BACH2: variants seen among roughly 807,000 people sequenced by gnomAD.
The protein encoded by BACH2 is transcription regulator protein BACH2.
Under a neutral mutation model 61.8 loss-of-function variants are expected in BACH2, and 5 were observed. The observed-to-expected ratio is 0.08, with a 90% CI of 0.04 to 0.17. BACH2 has a LOEUF of 0.17. BACH2 is among the 10% of genes least tolerant of loss of function. BACH2 has a pLI of 1.00. For missense variants in BACH2, 824 were observed against 1,091.1 expected, an observed-to-expected ratio of 0.76 and a Z score of 3.45; for synonymous variants, 446 against 440.1, an observed-to-expected ratio of 1.01 and a Z score of -0.17.
intron 4 of BACH2, among the ~76,000 whole-genome samples, chr6:90,177,333 C>T (rs529241409): frequency 1.3e-5 from 2 of 152,294 alleles, no homozygotes; most frequent in South Asian, 4.2e-4. Context: ...AGCACAGCAC[C>T]TGACCCATAA....
chr6:90,218,202 C>G (rs1015168693), intron 3 of BACH2: 1 of 152,146 alleles, frequency 6.6e-6, no homozygotes, highest in Admixed American at 6.5e-5. Context: ...GGTAGTTTAC[C>G]GCTACTGGAA....
chr6:89,978,866 T>G (rs1775798804), intron 6 of BACH2, among the ~76,000 whole-genome samples: 1 of 152,174 alleles, frequency 6.6e-6, no homozygotes, highest in Non-Finnish European at 1.5e-5. Context: ...ATAAGCTGTA[T>G]GTACTTAAAT....
At chr6:90,063,573 A>AT (rs1780796940) in intron 5 of BACH2, among the ~76,000 whole-genome samples, 1 of 152,200 alleles carries the variant, frequency 6.6e-6, no homozygotes, top group African/African-American at 2.4e-5. Flanking sequence ...CCCACAGGTG[A>AT]TTTTAGGAAG....
In BACH2 at chr6:90,178,760, T is replaced by G. The variant is rs891273907; in HGVS notation, c.-162+27809A>C. ...TTAAGGAGCTGTGCTGCATCAATAC[T>G]TGCTTTGGGCACAAAATGCAGAGGA... On this transcript the variant is annotated intron_variant, in intron 4 of 8. Transcript: ENST00000257749. 4.6e-5 allele frequency among the ~76,000 whole-genome samples: 7 copies of G among 152,216 alleles called. 1 individual carries two copies.
intron 4 of BACH2, among the ~76,000 whole-genome samples, chr6:90,123,605 C>A (rs1380600042): frequency 6.6e-6 from 1 of 151,332 alleles, no homozygotes; most frequent in African/African-American, 2.4e-5. Context: ...CCCGTCTCTA[C>A]TAAAAATACA....
At chr6:90,073,932 A>G (rs563527026) in intron 5 of BACH2, among the ~76,000 whole-genome samples, 8 of 152,328 alleles carry the variant, frequency 5.3e-5, no homozygotes, top group African/African-American at 1.9e-4. Context: ...AATATTACTC[A>G]AAGAAAAAAG....
intron 1 of BACH2, among the ~76,000 whole-genome samples, chr6:90,280,702 T>A (rs1771832839): frequency 6.6e-6 from 1 of 152,174 alleles, no homozygotes; most frequent in African/African-American, 2.4e-5. Flanking sequence ...CTCCAGGTGA[T>A]GCCGATGCTG....
intron 2 of BACH2, among the ~76,000 whole-genome samples, chr6:90,257,569 G>A (rs1399683872): frequency 6.6e-6 from 1 of 152,012 alleles, no homozygotes; most frequent in East Asian, 1.9e-4. Context: ...CAGGTAATTC[G>A]TTTGTTCTTT....
chr6:90,092,309 T>TAC (rs1376347632), intron 4 of BACH2, among the ~76,000 whole-genome samples: 4 of 123,800 alleles, frequency 3.2e-5, no homozygotes, highest in African/African-American at 1.6e-4. Context: ...TATATATATA[T>TAC]ATATATACAC....
intron 4 of BACH2, among the ~76,000 whole-genome samples, chr6:90,095,651 T>A (rs1191235162): frequency 6.6e-6 from 1 of 152,104 alleles, no homozygotes; most frequent in Non-Finnish European, 1.5e-5. Flanking sequence ...ATAAAAAGTG[T>A]GATAGAAATG....
At chr6:90,015,234 T>C (rs1399794354) in intron 5 of BACH2, among the ~76,000 whole-genome samples, 1 of 152,120 alleles carries the variant, frequency 6.6e-6, no homozygotes, top group African/African-American at 2.4e-5. Context: ...AAATAACTAG[T>C]TTTTGGTTAG....
At chr6:90,151,661 G>A (rs547116983) in intron 4 of BACH2, among the ~76,000 whole-genome samples, 1 of 152,254 alleles carries the variant, frequency 6.6e-6, no homozygotes, top group South Asian at 2.1e-4. Context: ...GTAAGGGTAG[G>A]AACTATGTGA....
At chr6:89,932,926 A>T in intron 8 of BACH2, 36 bp from the exon 9 acceptor site, 1 of 1,527,428 alleles carries the variant, frequency 6.5e-7, no homozygotes, top group Admixed American at 2.1e-5. Flanking sequence ...GGGTTGATCA[A>T]GCCTGAACTG....
chr6:90,137,428 T>C (rs1326572370), intron 4 of BACH2, among the ~76,000 whole-genome samples: 1 of 152,178 alleles, frequency 6.6e-6, no homozygotes, highest in Admixed American at 6.5e-5. Flanking sequence ...AGCTTGAACT[T>C]CAAAGAAACA....
In BACH2 at chr6:89,968,903, T is replaced by C. The variant is rs187335255; in HGVS notation, c.244-17041A>G. On this transcript the variant is annotated intron_variant, in intron 6 of 8. Coordinates refer to ENST00000257749, the MANE Select transcript of BACH2 (RefSeq NM_021813.4). The stretch of plus-strand genomic sequence containing the variant: ...GCGTATGCCTGTAGTCCCAGCTACT[T>C]GGGGGGCTGAGGCAGGAAGACTGCT... Among the ~76,000 whole-genome samples, 454 of 152,080 alleles carry C rather than the reference T, an allele frequency of 3.0e-3. 2 individuals carry two copies. The highest frequency in any genetic ancestry group is 9.2e-3 in the African/African-American group (382 of 41,506).
chr6:90,038,360 C>G (rs1263150313), intron 5 of BACH2, among the ~76,000 whole-genome samples: 2 of 152,148 alleles, frequency 1.3e-5, no homozygotes, highest in Non-Finnish European at 2.9e-5. Context: ...CTAATTCTAA[C>G]TTCCTTCACC....
rs143025982 is a variant in BACH2 at position 90,277,223 on chromosome 6, A to G, written c.-445-5282T>C. ...TTCTAGAATCTTCACATTGCTACTC[A>G]TAATGGCCCCAAACTGGAAACTATA... On this transcript the variant is annotated intron_variant, in intron 1 of 8. Coordinates refer to ENST00000257749, the MANE Select transcript of BACH2 (RefSeq NM_021813.4). Among the ~76,000 whole-genome samples the G allele has an allele frequency of 1.4e-3, 214 of 152,342 alleles. 2 individuals carry two copies. The highest frequency in any genetic ancestry group is 5.1e-3 in the African/African-American group (210 of 41,572).
chr6:90,215,851 C>T (rs1346124463), intron 3 of BACH2, among the ~76,000 whole-genome samples: 3 of 152,226 alleles, frequency 2.0e-5, no homozygotes, highest in Admixed American at 6.5e-5. Context: ...CTACCCTTAG[C>T]CAGAAGCAGC....
chr6:90,293,790 T>C (rs746208799), intron 1 of BACH2, among the ~76,000 whole-genome samples: 6 of 152,234 alleles, frequency 3.9e-5, no homozygotes, highest in Non-Finnish European at 5.9e-5. Flanking sequence ...CTATAATGGA[T>C]CATTAAATTC....
Sources: gnomAD v4.1 joint callset for allele counts (sites outside exome capture counted in the v4.1 genomes callset) on GRCh38, gnomAD v4.1.1 for gene constraint, MANE v1.5 for transcripts, NCBI Gene and HGNC (gene_info 2026-07-23, HGNC 2026-07-21) for gene names.